The following PXDNL variants were observed in gnomAD, a reference collection of about 807,000 sequenced individuals.
The protein encoded by PXDNL is peroxidasin like, also known as probable oxidoreductase PXDNL.
PXDNL carries 145 observed loss-of-function variants against 150.8 expected under a neutral mutation model. The observed-to-expected ratio is 0.96, with a 90% confidence interval of 0.84 to 1.10. The LOEUF is 1.10. Among genes scored for constraint, PXDNL ranks in the 50% least tolerant of loss-of-function variants. PXDNL has a pLI of 0.00. For synonymous variants in PXDNL, 757 were observed against 725.7 expected (o/e 1.04, Z -0.69); for missense variants, 2,087 against 1,873.9 (o/e 1.11, Z -2.10).
intron 4 of PXDNL, among the ~76,000 whole-genome samples, chr8:51,556,007 C>T (rs1365641943): frequency 1.3e-5 from 2 of 152,090 alleles, no homozygotes; most frequent in South Asian, 2.1e-4. Flanking sequence ...CATGGAGGCT[C>T]ATGACTATAA....
intron 14 of PXDNL, among the ~76,000 whole-genome samples, chr8:51,421,575 T>C (rs994068227): frequency 1.3e-5 from 2 of 152,076 alleles, no homozygotes; most frequent in African/African-American, 4.8e-5. Flanking sequence ...GATAGGCACC[T>C]GTAACCCCAG....
At chr8:51,553,037 G>C (rs1298073166) in intron 4 of PXDNL, among the ~76,000 whole-genome samples, 1 of 152,192 alleles carries the variant, frequency 6.6e-6, no homozygotes, top group African/African-American at 2.4e-5. Context: ...AAAGAAAAAA[G>C]GAGCAACTGT....
intron 6 of PXDNL, 48 bp downstream of exon 6, chr8:51,483,595 G>T: frequency 8.6e-7 from 1 of 1,167,814 alleles, no homozygotes; most frequent in Non-Finnish European, 1.2e-6. Flanking sequence ...ATGGATTTTG[G>T]AGGAAATTAT....
intron 1 of PXDNL, among the ~76,000 whole-genome samples, chr8:51,700,786 A>G (rs1467804448): frequency 6.6e-6 from 1 of 152,016 alleles, no homozygotes; most frequent in Non-Finnish European, 1.5e-5. Context: ...ATACACACAT[A>G]TAAACACATA....
intron 4 of PXDNL, among the ~76,000 whole-genome samples, chr8:51,527,557 T>C (rs1458331016): frequency 1.3e-5 from 2 of 152,224 alleles, no homozygotes; most frequent in Non-Finnish European, 2.9e-5. Flanking sequence ...TGAGTATTAT[T>C]ATCCACAGGA....
chr8:51,578,146 GAGAAAGAAA>G (rs1585594247), intron 3 of PXDNL, among the ~76,000 whole-genome samples: 1 of 82,122 alleles, frequency 1.2e-5, no homozygotes, highest in East Asian at 2.3e-4. Context: ...GTGAGAGAGA[GAGAAAGAAA>G]GAGAAAGAAA....
chr8:51,710,494 T>C (rs1816476654), intron 1 of PXDNL, among the ~76,000 whole-genome samples: 1 of 152,146 alleles, frequency 6.6e-6, no homozygotes, highest in Admixed American at 6.5e-5. Flanking sequence ...AAATATACAA[T>C]ACAATGCAAC....
intron 2 of PXDNL, among the ~76,000 whole-genome samples, chr8:51,611,600 G>GA (rs1248630213): frequency 6.6e-6 from 1 of 152,220 alleles, no homozygotes; most frequent in East Asian, 1.9e-4. Context: ...ATTTTTGTGT[G>GA]AAAAGGACTA....
At chr8:51,662,661 A>G (rs2130814893) in intron 1 of PXDNL, among the ~76,000 whole-genome samples, 1 of 152,360 alleles carries the variant, frequency 6.6e-6, no homozygotes, top group Admixed American at 6.5e-5. Flanking sequence ...GAGAATGTAC[A>G]TAGTTTATAA....
intron 1 of PXDNL, among the ~76,000 whole-genome samples, chr8:51,732,344 C>A (rs183825782): frequency 2.0e-5 from 3 of 152,200 alleles, no homozygotes; most frequent in Non-Finnish European, 2.9e-5. Context: ...CAGTTCCCAA[C>A]AAGTTCCTCA....
chr8:51,523,166 G>A (rs953371350), intron 4 of PXDNL, among the ~76,000 whole-genome samples: 2 of 152,158 alleles, frequency 1.3e-5, no homozygotes, highest in Non-Finnish European at 2.9e-5. Context: ...AAATATCTAT[G>A]ATGTGTCTAA....
rs71237219 is a variant in PXDNL, at chr8:51,608,002, GAAGAAAGA to G, written c.237-15312_237-15305del. 4.2e-3 allele frequency among the ~76,000 whole-genome samples: 272 copies of G among 64,598 alleles called. 11 individuals carry two copies. Among genetic ancestry groups the G allele is most frequent in the African/African-American group, 9.2e-3 (110 of 11,978 alleles). 42.4% of individuals were successfully genotyped at this position (64,598 alleles called of 152,430 possible). ...GGAAGGAAGAGAGAGAGGAAGGAAG[GAAGAAAGA>G]AAGAAAGAAAGAAAGAAAGAAAGAA... On this transcript the variant is annotated intron_variant, in intron 2 of 22. Transcript: ENST00000356297.
chr8:51,435,181 C>G (rs962494435), intron 12 of PXDNL, among the ~76,000 whole-genome samples: 17 of 152,030 alleles, frequency 1.1e-4, no homozygotes, highest in Non-Finnish European at 2.5e-4. Context: ...ATTAGCCAGG[C>G]ATGGTGGCAC....
intron 6 of PXDNL, among the ~76,000 whole-genome samples, chr8:51,478,809 T>G (rs1188358682): frequency 6.6e-6 from 1 of 152,228 alleles, no homozygotes; most frequent in Non-Finnish European, 1.5e-5. Flanking sequence ...GTAGCCAAAA[T>G]AGGACAGGAG....
chr8:51,690,077 C>T (rs985725820), intron 1 of PXDNL, among the ~76,000 whole-genome samples: 5 of 152,182 alleles, frequency 3.3e-5, no homozygotes, highest in East Asian at 1.9e-4. Context: ...TATTTTCCTT[C>T]GTGCAAAGAC....
chr8:51,669,539 T>A (rs1038550114), intron 1 of PXDNL, among the ~76,000 whole-genome samples: 7 of 152,186 alleles, frequency 4.6e-5, no homozygotes, highest in Non-Finnish European at 1.0e-4. Context: ...AAGAGATGGT[T>A]GGTTGGTCAG....
chr8:51,376,737 T>TA (rs1807324018), intron 17 of PXDNL, among the ~76,000 whole-genome samples: 2 of 151,142 alleles, frequency 1.3e-5, no homozygotes, highest in South Asian at 4.2e-4. Context: ...TTTTTTTTTT[T>TA]ATACGGAGTC....
chr8:51,361,937 C>CAACAAAAAAAAAA (rs1806756408), intron 19 of PXDNL, among the ~76,000 whole-genome samples: 1 of 58,052 alleles, frequency 1.7e-5, no homozygotes, highest in African/African-American at 7.0e-5. Flanking sequence ...GATTCCATCT[C>CAACAAAAAAAAAA]AAAAAAAAAA....
intron 2 of PXDNL, among the ~76,000 whole-genome samples, chr8:51,600,395 TTA>T: frequency 7.6e-6 from 1 of 131,952 alleles, no homozygotes; most frequent in East Asian, 2.3e-4. Context: ...AGATAATAAA[TTA>T]TATCTTATAT....
Sources: allele counts gnomAD v4.1 joint callset (sites outside exome capture counted in the v4.1 genomes callset), GRCh38; gene constraint gnomAD v4.1.1; transcripts MANE v1.5; gene names NCBI Gene and HGNC (gene_info 2026-07-23, HGNC 2026-07-21).